IGFN1: variants seen among roughly 807,000 people sequenced by gnomAD.
IGFN1 encodes the protein immunoglobulin like and fibronectin type III domain containing 1, also known as immunoglobulin-like and fibronectin type III domain-containing protein 1.
In IGFN1, 253 loss-of-function variants were observed where a neutral mutation model predicts 289.5. That is an observed-to-expected ratio of 0.87 (90% confidence interval 0.79 to 0.97). IGFN1 has a LOEUF of 0.97. Among genes scored for constraint, IGFN1 ranks in the 50% least tolerant of loss-of-function variants. IGFN1 has a pLI of 0.00. For missense variants in IGFN1, 4,470 were observed against 4,686.1 expected (o/e 0.95, Z 1.35); for synonymous variants, 1,706 against 1,788.5 (o/e 0.95, Z 1.16).
chr1:201,209,394 G>T lies in IGFN1; in HGVS notation c.4501G>T (p.Val1501Phe). ...GGCAGGCTATAGGAAAGATTTGGGG[G>T]TTTCTGAGGGAGGGGGTTCAGGGAG... ...IEAGYRKDLG[V>F]SEGGGSGSKA... Residue 1501 changes from valine to phenylalanine, a missense_variant, in exon 12 of 24, where the codon GTT (valine) becomes TTT (phenylalanine). Transcript: ENST00000335211. The T allele has an allele frequency of 6.6e-7, 1 of 1,520,738 alleles. No homozygotes were observed. Among genetic ancestry groups the T allele is most frequent in the Non-Finnish European group, 8.8e-7 (1 of 1,139,590 alleles). 94.2% of individuals were successfully genotyped at this position (1,520,738 alleles called of 1,614,324 possible).
Position 201,212,936 on chromosome 1 carries a change from G to C in IGFN1, c.8043G>C (p.Glu2681Asp). Reference protein sequence around the residue: ...FKGGEGAPGQEAAGGCRSPWS... With the variant: ...FKGGEGAPGQDAAGGCRSPWS... ...GTGGGGAGGGTGCACCAGGCCAAGA[G>C]GCGGCTGGTGGATGCCGAAGCCCAT... The change falls in exon 12 of 24, where the codon GAG (glutamate) becomes GAC (aspartate). Residue 2681 changes from glutamate to aspartate, a missense_variant. Around this residue, in one of 8 missense-constraint regions of IGFN1, gnomAD observed 2,218 missense variants for 2,114.1 expected, o/e 1.05. Coordinates refer to ENST00000335211, the MANE Select transcript of IGFN1 (RefSeq NM_001164586.2). 1 of 1,551,510 alleles carries C rather than the reference G, an allele frequency of 6.4e-7. No individual in the cohort carries two copies. Among genetic ancestry groups the C allele is most frequent in the Non-Finnish European group, 8.7e-7 (1 of 1,146,954 alleles).
intron 15 of IGFN1, 42 bp downstream of exon 15, chr1:201,215,880 T>G: frequency 6.3e-7 from 1 of 1,580,850 alleles, no homozygotes. Flanking sequence ...TGAGAGTCCC[T>G]GGGGTTCTGG....
rs769388792 is a variant in IGFN1, at chr1:201,207,139, C to CT, written c.2247dup (p.Glu750Ter). ...GGAGATGGGAGTCCTGAGATCAAAG[C>CT]TGAAGACTCACTGCAGGAGGCAGAT... On this transcript the variant is annotated frameshift_variant, in exon 12 of 24. Coordinates refer to ENST00000335211, the MANE Select transcript of IGFN1 (RefSeq NM_001164586.2). LOFTEE classifies it high-confidence loss of function. 232 of 1,536,886 alleles carry CT rather than the reference C, an allele frequency of 1.5e-4. No homozygotes were observed. The highest frequency in any genetic ancestry group is 1.8e-4 in the Non-Finnish European group (209 of 1,146,872).
intron 21 of IGFN1, 148 bp downstream of exon 21, chr1:201,225,022 A>T (rs1653987624): frequency 1.7e-6 from 1 of 591,634 alleles, no homozygotes; most frequent in Non-Finnish European, 2.8e-6. Flanking sequence ...TCCATGCTTG[A>T]TGATAGAAAG....
chr1:201,202,127 A>C (rs1667192082), intron 9 of IGFN1, among the ~76,000 whole-genome samples: 1 of 152,156 alleles, frequency 6.6e-6, no homozygotes, highest in East Asian at 1.9e-4. Context: ...GTTCTGAGAA[A>C]GTGCACCCCT....
chr1:201,204,410 A>C (rs1472874260), intron 10 of IGFN1, among the ~76,000 whole-genome samples: 2 of 152,206 alleles, frequency 1.3e-5, no homozygotes, highest in East Asian at 1.9e-4. Context: ...ACCTGTGTCC[A>C]CATCACTCTC....
intron 14 of IGFN1, 30 bp from the exon 15 acceptor site, chr1:201,215,509 T>C: frequency 6.6e-7 from 1 of 1,522,304 alleles, no homozygotes; most frequent in Non-Finnish European, 8.8e-7. Context: ...AGTGCCCTGG[T>C]CTTCCTTGAC....
At chr1:201,197,413 G>T in intron 5 of IGFN1, 96 bp downstream of exon 5, 29 of 640,950 alleles carry the variant, frequency 4.5e-5, no homozygotes, top group Non-Finnish European at 4.7e-5. Flanking sequence ...GGAGGGGAGG[G>T]AAGGGAGGCC....
rs1379369224 is a variant in IGFN1, at chr1:201,203,725, T to A, written c.748-13T>A. ...CCACTGAGGCCCGCCTCCTCTTCCT[T>A]TTCTGGCCTTAGGATGGTGAGATGA... On this transcript the variant is annotated splice_polypyrimidine_tract_variant and intron_variant, in intron 9 of 23. Transcript: ENST00000335211. The A allele has an allele frequency of 3.2e-6, 5 of 1,550,950 alleles. No homozygotes were observed. Among genetic ancestry groups the A allele is most frequent in the Non-Finnish European group, 4.4e-6 (5 of 1,146,748 alleles).
rs1667650887 is a variant in IGFN1, at chr1:201,209,927, G to T, written c.5034G>T (p.Leu1678Phe). The change falls in exon 12 of 24, where the codon TTG becomes TTT. Residue 1678 changes from leucine (L) to phenylalanine (F), a missense_variant. Physicochemically the swap from Leu to Phe is conservative, Grantham distance 22 (BLOSUM62 0). Coordinates refer to ENST00000335211, the MANE Select transcript of IGFN1 (RefSeq NM_001164586.2). ...SMDEAGYRKN[L>F]GAPEGIGSGS... ...ATGAGGCAGGTTATAGGAAGAATTTGGGGGCTCCTGAGGGAATAGGTTCAG... is the reference window on the plus strand; with the variant it reads ...ATGAGGCAGGTTATAGGAAGAATTTTGGGGCTCCTGAGGGAATAGGTTCAG... The T allele has an allele frequency of 1.4e-6, 2 of 1,456,094 alleles. No individual in the cohort carries two copies. The highest frequency in any genetic ancestry group is 9.2e-7 in the Non-Finnish European group (1 of 1,084,678). The allele number at this position is 1,456,094 out of a possible 1,614,324, so 90.2% of individuals were successfully genotyped here.
In IGFN1 at chr1:201,225,876, G is replaced by C; in HGVS notation, c.10539G>C (p.Thr3513=). The stretch of plus-strand genomic sequence containing the variant: ...ACCTGCAGGAGAACGTGCCTGGGAC[G>C]GTGACGGCCGAGTGGGAACCCTCTC... The part of the protein sequence containing the change: ...PIHLQENVPG[T]VTAEWEPSPD... The change falls in exon 22 of 24, where the codon ACG becomes ACC. Residue 3513 remains threonine (T), a synonymous_variant. Transcript: ENST00000335211. 6.2e-7 allele frequency: 1 copy of C among 1,613,058 alleles called. No homozygotes were observed. The highest frequency in any genetic ancestry group is 8.5e-7 in the Non-Finnish European group (1 of 1,179,736).
chr1:201,224,886 C>G lies in IGFN1; in HGVS notation c.10486+12C>G. 1 of 1,606,958 alleles carries G rather than the reference C, an allele frequency of 6.2e-7. No homozygotes were observed. The highest frequency in any genetic ancestry group is 8.5e-7 in the Non-Finnish European group (1 of 1,176,002). Reference sequence around the variant, plus strand: ...TATCAGGGTGGCAGGTGAGGCAGGCCTTGCTCTGGGCTCTGGACGCTGGCT... The same window carrying G: ...TATCAGGGTGGCAGGTGAGGCAGGCGTTGCTCTGGGCTCTGGACGCTGGCT... On this transcript the variant is annotated intron_variant, in intron 21 of 23. Coordinates refer to ENST00000335211, the MANE Select transcript of IGFN1 (RefSeq NM_001164586.2).
chr1:201,190,842 G>T lies in IGFN1; in HGVS notation c.-113G>T, dbSNP rs1315943797. On this transcript the variant is annotated 5_prime_UTR_variant, in exon 1 of 24. Transcript: ENST00000335211. ...CACTACCAGTCAATCCAGAGCCTCA[G>T]CAAGCAGCAGCTGGAAACGGGGAAG... 6.6e-6 allele frequency: 1 copy of T among 152,486 alleles called. No individual in the cohort carries two copies. The highest frequency in any genetic ancestry group is 1.5e-5 in the Non-Finnish European group (1 of 68,302). The allele number at this position is 152,486 out of a possible 1,614,324, so 9.4% of individuals were successfully genotyped here.
At position 201,215,074 on chromosome 1, in the gene IGFN1, C is replaced by T. The variant is rs751920984; in HGVS notation, c.8915C>T (p.Thr2972Met). ...GGTCTCGTGCACAGCCTCTTCATCA[C>T]GCATGTGCAGGGGACCCAAGCTGGG... is the stretch of plus-strand genomic sequence containing the variant. ...QDGLVHSLFI[T>M]HVQGTQAGRY... The change falls in exon 14 of 24, where the codon ACG becomes ATG. Residue 2972 changes from threonine to methionine, a missense_variant. Physicochemically the swap from Thr to Met is moderately conservative, Grantham distance 81. Around this residue, in one of 8 missense-constraint regions of IGFN1, gnomAD observed 2,218 missense variants for 2,114.1 expected, o/e 1.05. Transcript: ENST00000335211. The T allele has an allele frequency of 6.2e-6, 10 of 1,613,966 alleles. No homozygotes were observed. Among genetic ancestry groups the T allele is most frequent in the East Asian group, 2.2e-5 (1 of 44,880 alleles).
At chr1:201,194,999 C>T (rs1343156423) in intron 3 of IGFN1, among the ~76,000 whole-genome samples, 2 of 152,116 alleles carry the variant, frequency 1.3e-5, no homozygotes, top group East Asian at 3.9e-4. Flanking sequence ...GTTCCCAGGC[C>T]TCCATGACAG....
At chr1:201,203,697 G>A in intron 9 of IGFN1, 41 bp from the exon 10 acceptor site, 1 of 1,542,626 alleles carries the variant, frequency 6.5e-7, no homozygotes, top group Non-Finnish European at 8.8e-7. Flanking sequence ...AAGCACTGAG[G>A]ACCCACTGAG....
rs538165140 is a variant in IGFN1, at chr1:201,194,323, A to G, written c.127+50A>G. 211 of 1,544,202 alleles carry G rather than the reference A, an allele frequency of 1.4e-4. 1 individual carries two copies. The East Asian group carries it at 4.2e-3, about 31-fold the overall frequency. ...GGGGAGGCAAGATTCTTGCTCTCCT[A>G]CCTCCCAGGGGAGAGGGCTGGGGCA... On this transcript the variant is annotated intron_variant, in intron 3 of 23. Transcript: ENST00000335211.
intron 17 of IGFN1, 68 bp downstream of exon 17, chr1:201,217,528 C>T (rs1653399273): frequency 2.0e-6 from 3 of 1,533,088 alleles, no homozygotes; most frequent in Non-Finnish European, 2.7e-6. Context: ...AGGGACTTTT[C>T]AGTTCAGATT....
At chr1:201,216,811 G>T in intron 16 of IGFN1, 58 bp downstream of exon 16, 1 of 1,428,560 alleles carries the variant, frequency 7.0e-7, no homozygotes, top group Non-Finnish European at 9.5e-7. Context: ...CCACTGTGCC[G>T]AGGAGGGCAG....
Sources: allele counts gnomAD v4.1 joint callset (sites outside exome capture counted in the v4.1 genomes callset), GRCh38; gene constraint gnomAD v4.1.1; regional missense constraint gnomAD v4.1.1; transcripts MANE v1.5; gene names NCBI Gene and HGNC (gene_info 2026-07-23, HGNC 2026-07-21).